Variants in LINGO1 observed in about 807,000 individuals in gnomAD.
LINGO1 encodes leucine rich repeat and Ig domain containing 1, also known as leucine-rich repeat and immunoglobulin-like domain-containing nogo receptor-interacting protein 1.
A neutral mutation model predicts 37.3 loss-of-function variants in LINGO1; 11 were observed. That is an observed-to-expected ratio of 0.29 (90% CI 0.19 to 0.49). LINGO1 has a LOEUF of 0.49. LINGO1 is among the 20% of genes least tolerant of loss of function. LINGO1 has a pLI of 0.99. For missense variants in LINGO1, 585 were observed against 878.2 expected (o/e 0.67, Z 4.22); for synonymous variants, 387 against 403.0 (o/e 0.96, Z 0.48).
At chr15:77,674,243 G>A (rs139813517) in intron 3 of LINGO1, among the ~76,000 whole-genome samples, 2 of 152,054 alleles carry the variant, frequency 1.3e-5, no homozygotes, top group Admixed American at 1.3e-4. Context: ...CATACATGTG[G>A]AATCCATCCA....
upstream of LINGO1, among the ~76,000 whole-genome samples, chr15:77,789,464 G>A (rs146364997): frequency 3.3e-5 from 5 of 152,216 alleles, no homozygotes; most frequent in African/African-American, 4.8e-5. Flanking sequence ...AAAATTAGCC[G>A]GGTGTGGTGG....
At chr15:77,813,781 G>T (rs1232100125) in intron 1 of LINGO1, among the ~76,000 whole-genome samples, 1 of 152,230 alleles carries the variant, frequency 6.6e-6, no homozygotes, top group African/African-American at 2.4e-5. Context: ...CAGGCAGGGA[G>T]ATCATTTTGT....
At chr15:77,721,602 T>C (rs540603906) in intron 2 of LINGO1, among the ~76,000 whole-genome samples, 1 of 152,348 alleles carries the variant, frequency 6.6e-6, no homozygotes, top group East Asian at 1.9e-4. Context: ...CTGTGTTTTT[T>C]ATTTGTTTAC....
intron 1 of LINGO1, 83 bp from the exon 2 acceptor site, chr15:77,615,983 C>T: frequency 1.0e-6 from 1 of 993,716 alleles, no homozygotes; most frequent in Non-Finnish European, 1.4e-6. Context: ...CACCTGGGCC[C>T]CTCCTGCCCT....
At chr15:77,778,967 G>A (rs1020951000) in intron 1 of LINGO1, among the ~76,000 whole-genome samples, 3 of 151,938 alleles carry the variant, frequency 2.0e-5, no homozygotes, top group Admixed American at 6.6e-5. Flanking sequence ...TACCACTCAC[G>A]CCCACCGCCT....
chr15:77,815,932 G>A (rs2077044095), intron 1 of LINGO1, among the ~76,000 whole-genome samples: 1 of 152,100 alleles, frequency 6.6e-6, no homozygotes, highest in Admixed American at 6.6e-5. Flanking sequence ...CTGCAAACAC[G>A]TTCTACCCTT....
chr15:77,804,174 AG>A (rs546139316), intron 1 of LINGO1, among the ~76,000 whole-genome samples: 51 of 152,230 alleles, frequency 3.4e-4, no homozygotes, highest in African/African-American at 1.2e-3. Flanking sequence ...CACATGCAGG[AG>A]GGGCTGGGCC....
At chr15:77,808,947 C>T (rs1452329729) in intron 1 of LINGO1, among the ~76,000 whole-genome samples, 2 of 152,230 alleles carry the variant, frequency 1.3e-5, no homozygotes, top group African/African-American at 4.8e-5. Context: ...ACTCCACATG[C>T]AGTCACCCAA....
Position 77,820,256 on chromosome 15 carries a change from A to G in LINGO1, c.-458+2T>C, listed in dbSNP as rs1013808615. 1 of 152,114 alleles carries G rather than the reference A, an allele frequency of 6.6e-6. No individual in the cohort carries two copies. Among genetic ancestry groups the G allele is most frequent in the African/African-American group, 2.4e-5 (1 of 41,406 alleles). 9.4% of individuals were successfully genotyped at this position (152,114 alleles called of 1,614,324 possible). On this transcript the variant is annotated splice_donor_variant, in intron 1 of 5. Coordinates refer to the LINGO1 transcript ENST00000562933. LOFTEE classifies it low-confidence loss of function (5UTR_SPLICE). The stretch of plus-strand genomic sequence containing the variant: ...TCGCCCGGGCTTAAAGGGATAGCGC[A>G]CCCGGCTCGACCGGCCCCACCCGGG...
At chr15:77,809,550 G>A (rs1414970384) in intron 1 of LINGO1, among the ~76,000 whole-genome samples, 3 of 152,052 alleles carry the variant, frequency 2.0e-5, no homozygotes, top group Non-Finnish European at 2.9e-5. Context: ...GCCCCGCCCC[G>A]ACCCGATTCC....
chr15:77,642,310 C>T (rs1330089177), intron 3 of LINGO1, among the ~76,000 whole-genome samples: 1 of 152,212 alleles, frequency 6.6e-6, no homozygotes, highest in African/African-American at 2.4e-5. Context: ...GACCCCCACC[C>T]CCAGGGAGTG....
At chr15:77,774,323 C>A (rs1389720408) in intron 1 of LINGO1, among the ~76,000 whole-genome samples, 1 of 152,050 alleles carries the variant, frequency 6.6e-6, no homozygotes, top group African/African-American at 2.4e-5. Context: ...CTGCCAACAG[C>A]CCTCAGCCCT....
At chr15:77,749,069 G>A (rs1453195701) in intron 1 of LINGO1, among the ~76,000 whole-genome samples, 5 of 151,606 alleles carry the variant, frequency 3.3e-5, no homozygotes, top group East Asian at 1.9e-4. Flanking sequence ...TACCACGCCC[G>A]GCTAATTTTT....
chr15:77,773,836 T>C (rs1355796353), intron 1 of LINGO1, among the ~76,000 whole-genome samples: 2 of 152,102 alleles, frequency 1.3e-5, no homozygotes, highest in Non-Finnish European at 2.9e-5. Flanking sequence ...TGGCCTTCTC[T>C]GGCTGTCCTA....
At chr15:77,678,313 C>A (rs974659442) in intron 2 of LINGO1, among the ~76,000 whole-genome samples, 9 of 152,190 alleles carry the variant, frequency 5.9e-5, no homozygotes, top group African/African-American at 2.2e-4. Context: ...CAAATCCCGG[C>A]ATGCTGTCTC....
At chr15:77,690,567 AG>A (rs2075586109) in intron 2 of LINGO1, among the ~76,000 whole-genome samples, 2 of 152,248 alleles carry the variant, frequency 1.3e-5, no homozygotes, top group Non-Finnish European at 2.9e-5. Context: ...TTAATGAAAT[AG>A]GGTTTGTTTT....
chr15:77,717,602 G>A (rs545928792), intron 2 of LINGO1, among the ~76,000 whole-genome samples: 2 of 150,936 alleles, frequency 1.3e-5, no homozygotes, highest in Admixed American at 6.6e-5. Flanking sequence ...TAGTTGGGGA[G>A]GAATGGCAAG....
chr15:77,636,756 G>A (rs886951271), upstream of LINGO1, among the ~76,000 whole-genome samples: 1 of 152,168 alleles, frequency 6.6e-6, no homozygotes. Flanking sequence ...AGTCCAGAAG[G>A]TGGGGGCCAT....
chr15:77,750,368 T>G (rs2076358904), intron 1 of LINGO1, among the ~76,000 whole-genome samples: 1 of 152,260 alleles, frequency 6.6e-6, no homozygotes, highest in South Asian at 2.1e-4. Context: ...TAAAAGTGCC[T>G]TATAATTAAA....
Sources: allele counts gnomAD v4.1 joint callset (sites outside exome capture counted in the v4.1 genomes callset), GRCh38; gene constraint gnomAD v4.1.1; transcripts MANE v1.5; gene names NCBI Gene and HGNC (gene_info 2026-07-23, HGNC 2026-07-21).